ADAMTSL1: variants seen among roughly 807,000 people sequenced by gnomAD.
ADAMTSL1 encodes the protein ADAMTS like 1.
ADAMTSL1 carries 126 observed loss-of-function variants against 201.8 expected under a neutral mutation model. The observed-to-expected ratio is 0.62, with a 90% CI of 0.54 to 0.72. The LOEUF is 0.72. Ranked by LOEUF, ADAMTSL1 falls within the 30% of genes least tolerant of loss-of-function variation. The pLI, the probability that ADAMTSL1 is intolerant of heterozygous loss-of-function variation, is 0.00. For missense variants in ADAMTSL1, 2,679 were observed against 2,277.8 expected, an observed-to-expected ratio of 1.18 and a Z score of -3.59; for synonymous variants, 1,121 against 903.4, an observed-to-expected ratio of 1.24 and a Z score of -4.32.
At chr9:18,091,081 G>A (rs1215191448) in intron 1 of ADAMTSL1, among the ~76,000 whole-genome samples, 1 of 151,908 alleles carries the variant, frequency 6.6e-6, no homozygotes, top group East Asian at 1.9e-4. Flanking sequence ...GTGTGTGTGT[G>A]TGTGTGTGTG....
At chr9:18,657,513 C>G (rs553447918) in intron 7 of ADAMTSL1, 126 bp from the exon 8 acceptor site, 1 of 647,500 alleles carries the variant, frequency 1.5e-6, no homozygotes, top group African/African-American at 1.8e-5. Context: ...TGCCACTTCT[C>G]CCGCAGTGCA....
intron 1 of ADAMTSL1, among the ~76,000 whole-genome samples, chr9:18,120,535 C>T (rs974145919): frequency 6.6e-6 from 1 of 152,122 alleles, no homozygotes; most frequent in African/African-American, 2.4e-5. Flanking sequence ...ATGAATTAGG[C>T]TGTAGTCATA....
intron 3 of ADAMTSL1, among the ~76,000 whole-genome samples, chr9:18,554,008 T>C (rs1398546453): frequency 6.6e-6 from 1 of 151,924 alleles, no homozygotes. Context: ...CTGTTATTAA[T>C]GCTTTTTACA....
chr9:18,447,792 T>C (rs1047700227), intron 2 of ADAMTSL1, among the ~76,000 whole-genome samples: 2 of 152,248 alleles, frequency 1.3e-5, no homozygotes, highest in African/African-American at 2.4e-5. Context: ...GTTTGCTTCC[T>C]TTCTCTATAT....
At chr9:18,193,903 T>G (rs1421386592) in intron 2 of ADAMTSL1, among the ~76,000 whole-genome samples, 1 of 152,162 alleles carries the variant, frequency 6.6e-6, no homozygotes, top group Non-Finnish European at 1.5e-5. Context: ...GATTTTCTTG[T>G]AAGGATGGGC....
Position 18,829,530 on chromosome 9 carries a change from T to C in ADAMTSL1, c.4115-313T>C, listed in dbSNP as rs1040440460. ...TCACTTTTTTAAAAAAGTGTCTTTA[T>C]GATATAGTTTAACTTATCTACAAAT... On this transcript the variant is annotated intron_variant, in intron 22 of 28. Transcript: ENST00000380548. Among the ~76,000 whole-genome samples, 4 of 152,210 alleles carry C rather than the reference T, an allele frequency of 2.6e-5. 1 individual carries two copies. The East Asian group carries it at 7.7e-4, about 29-fold the overall frequency.
At chr9:18,063,100 G>C (rs1694031301) in intron 1 of ADAMTSL1, among the ~76,000 whole-genome samples, 1 of 152,186 alleles carries the variant, frequency 6.6e-6, no homozygotes, top group Non-Finnish European at 1.5e-5. Context: ...AGGCTGAAAT[G>C]GGAGGATTGC....
intron 23 of ADAMTSL1, among the ~76,000 whole-genome samples, chr9:18,853,431 G>A (rs957547881): frequency 6.6e-6 from 1 of 152,122 alleles, no homozygotes; most frequent in Non-Finnish European, 1.5e-5. Flanking sequence ...TAGGGTTGTG[G>A]GAAATGGTCC....
At chr9:18,197,020 A>C (rs908737285) in intron 2 of ADAMTSL1, among the ~76,000 whole-genome samples, 1 of 152,106 alleles carries the variant, frequency 6.6e-6, no homozygotes, top group African/African-American at 2.4e-5. Context: ...AGTGCTTTTA[A>C]CACATCTGGC....
At chr9:18,450,276 C>G (rs200733403) in intron 2 of ADAMTSL1, among the ~76,000 whole-genome samples, 1 of 151,946 alleles carries the variant, frequency 6.6e-6, no homozygotes, top group Non-Finnish European at 1.5e-5. Flanking sequence ...TTGCTGTGGT[C>G]GTTACATGAT....
chr9:18,306,434 C>G (rs562481718), intron 2 of ADAMTSL1, among the ~76,000 whole-genome samples: 2 of 152,142 alleles, frequency 1.3e-5, no homozygotes, highest in East Asian at 1.9e-4. Context: ...TGCAAGGAAG[C>G]TAAGAACTTT....
rs764005243 is a variant in ADAMTSL1, at chr9:18,504,967, C to A, written c.191+11C>A. On this transcript the variant is annotated intron_variant, in intron 2 of 28. Transcript: ENST00000380548. ...CTGCCTGAGCAGCAAGTAAGTCCTG[C>A]ACCCGTTGGGGGTCTTTGTGAGAAC... 2.5e-6 allele frequency: 4 copies of A among 1,602,636 alleles called. No individual in the cohort carries two copies. In the Admixed American group the frequency reaches 6.9e-5, roughly 28 times the overall value.
chr9:18,671,844 T>C (rs190073732), intron 9 of ADAMTSL1, among the ~76,000 whole-genome samples: 282 of 152,228 alleles, frequency 1.9e-3, no homozygotes, highest in African/African-American at 6.5e-3. Context: ...GAGACCATCC[T>C]GGCTAACAAG....
At chr9:18,565,459 A>G (rs1013312877) in intron 3 of ADAMTSL1, among the ~76,000 whole-genome samples, 2 of 152,150 alleles carry the variant, frequency 1.3e-5, no homozygotes, top group African/African-American at 4.8e-5. Flanking sequence ...GAAAAGTAAA[A>G]GAAATCTGTA....
At chr9:18,874,600 C>T (rs760571506) in intron 23 of ADAMTSL1, among the ~76,000 whole-genome samples, 38 of 152,088 alleles carry the variant, frequency 2.5e-4, no homozygotes, top group Non-Finnish European at 4.4e-4. Context: ...GGATATTAAA[C>T]CATGCCTGCA....
chr9:18,537,895 A>C (rs1819882103), intron 3 of ADAMTSL1, among the ~76,000 whole-genome samples: 1 of 140,778 alleles, frequency 7.1e-6, no homozygotes, highest in Non-Finnish European at 1.5e-5. Context: ...AAAAAAAAAG[A>C]AGAAAGAAGA....
intron 23 of ADAMTSL1, among the ~76,000 whole-genome samples, chr9:18,837,436 A>T (rs1237910798): frequency 6.6e-6 from 1 of 152,160 alleles, no homozygotes; most frequent in Non-Finnish European, 1.5e-5. Context: ...CTAGATCTCT[A>T]TTCTATTTCA....
At chr9:18,685,032 T>C in intron 13 of ADAMTSL1, 1 of 1,195,390 alleles carries the variant, frequency 8.4e-7, no homozygotes, top group East Asian at 4.0e-5. Flanking sequence ...GGTGTAGTGC[T>C]TACCCTCTTC....
At chr9:18,161,891 T>G (rs192926476) in intron 1 of ADAMTSL1, among the ~76,000 whole-genome samples, 2 of 152,140 alleles carry the variant, frequency 1.3e-5, no homozygotes, top group South Asian at 2.1e-4. Flanking sequence ...CTCTTCTTGT[T>G]TAGTATTTGT....
Sources: allele counts gnomAD v4.1 joint callset (sites outside exome capture counted in the v4.1 genomes callset), GRCh38; gene constraint gnomAD v4.1.1; transcripts MANE v1.5; gene names NCBI Gene and HGNC (gene_info 2026-07-23, HGNC 2026-07-21).